The following FANCI variants were observed in gnomAD, a reference collection of about 807,000 sequenced individuals.
The protein encoded by FANCI is Fanconi anemia group I protein.
In FANCI, 156 loss-of-function variants were observed where a neutral mutation model predicts 176.1. The ratio of observed to expected loss-of-function variants is 0.89; its 90% CI spans 0.78 to 1.01. The LOEUF (loss-of-function observed/expected upper bound fraction) is 1.01. Ranked by LOEUF, FANCI falls within the 50% of genes least tolerant of loss-of-function variation. The probability of loss-of-function intolerance (pLI) is 0.00; values close to 1 mark genes in which losing one functional copy is unlikely to be tolerated. For synonymous variants in FANCI, 613 were observed against 541.7 expected (o/e 1.13, Z -1.83); for missense variants, 1,678 against 1,534.1 (o/e 1.09, Z -1.57).
Position 89,263,469 on chromosome 15 carries a change from C to A in FANCI, c.545+9C>A, listed in dbSNP as rs1179447255. 6.2e-7 allele frequency: 1 copy of A among 1,609,748 alleles called. No individual in the cohort carries two copies. The highest frequency in any genetic ancestry group is 1.7e-4 in the Middle Eastern group (1 of 6,054). ...CTCACCTCCATGTTCAAGTAAGCAT[C>A]ATCTTTTCCCTTTTCTTTGTGTATC... is the stretch of plus-strand genomic sequence containing the variant. On this transcript the variant is annotated intron_variant, in intron 7 of 37. Transcript: ENST00000310775.
chr15:89,312,920 TGAACTATACGGGAGA>T lies in FANCI; in HGVS notation c.3672_3686del (p.Asn1224_Glu1228del). ...TTTCTTTAGAATAAGAGTAAGAGCCTGAACTATACGGGAGAGAAAAAGGAGAAACCTGCTGCCGTT... is the reference window on the plus strand; with the variant it reads ...TTTCTTTAGAATAAGAGTAAGAGCCTGAAAAAGGAGAAACCTGCTGCCGTT... On this transcript the variant is annotated inframe_deletion, in exon 35 of 38. Coordinates refer to ENST00000310775, the MANE Select transcript of FANCI (RefSeq NM_001113378.2). 1 of 1,613,686 alleles carries T rather than the reference TGAACTATACGGGAGA, an allele frequency of 6.2e-7. No individual in the cohort carries two copies. Among genetic ancestry groups the T allele is most frequent in the Non-Finnish European group, 8.5e-7 (1 of 1,179,776 alleles).
chr15:89,296,970 G>GGCCGGGCGGGGGGCTA (rs1567168107), intron 24 of FANCI, among the ~76,000 whole-genome samples: 19 of 124,246 alleles, frequency 1.5e-4, no homozygotes, highest in African/African-American at 6.8e-4. Flanking sequence ...GCGGGGGGCT[G>GGCCGGGCGGGGGGCTA]ACCCCCCCCA....
chr15:89,244,200 T>G (rs2051838837), intron 1 of FANCI, 167 bp downstream of exon 1: 1 of 152,788 alleles, frequency 6.5e-6, no homozygotes, highest in Admixed American at 6.5e-5. Context: ...TCCCGCCGCC[T>G]GCCTCAGCTT....
intron 28 of FANCI, 67 bp from the exon 29 acceptor site, chr15:89,305,048 T>C: frequency 6.3e-7 from 1 of 1,594,764 alleles, no homozygotes. Flanking sequence ...AGTGCTGGGA[T>C]TACAGGCGTG....
In FANCI at chr15:89,247,679, A is replaced by G. The variant is rs1567134442; in HGVS notation, c.32A>G (p.Glu11Gly). ...CAGAAGATTTTATCTCTAGCAGCAG[A>G]AAAAACAGCAGACAAACTGCAAGAA... MDQKILSLAA[E>G]KTADKLQEFL... Residue 11 changes from glutamate (E) to glycine (G), a missense_variant, in exon 2 of 38, where the codon GAA becomes GGA. Around this residue, in one of 3 missense-constraint regions of FANCI, gnomAD observed 469 missense variants for 436.9 expected, o/e 1.07. Coordinates refer to ENST00000310775, the MANE Select transcript of FANCI (RefSeq NM_001113378.2). 3 of 1,614,070 alleles carry G rather than the reference A, an allele frequency of 1.9e-6. No individual in the cohort carries two copies. Among genetic ancestry groups the G allele is most frequent in the South Asian group, 1.1e-5 (1 of 91,086 alleles).
chr15:89,307,526 G>A lies in FANCI; in HGVS notation c.3588G>A (p.Lys1196=). 1 of 1,614,208 alleles carries A rather than the reference G, an allele frequency of 6.2e-7. No homozygotes were observed. Among genetic ancestry groups the A allele is most frequent in the Non-Finnish European group, 8.5e-7 (1 of 1,180,046 alleles). Residue 1196 remains lysine, a synonymous_variant, in exon 33 of 38, where the codon AAG becomes AAA. Coordinates refer to ENST00000310775, the MANE Select transcript of FANCI (RefSeq NM_001113378.2). ...GAGGAATTCCAAAAAATATGGAAAA[G>A]CTGGTGAGTTGAGAATGCCTTTCCT... ...SSGGIPKNME[K]LVKLSGSHLT... is the part of the protein sequence containing the mutation.
rs2054705233 is a variant in FANCI, at chr15:89,306,042, C to T, written c.3385C>T (p.Pro1129Ser). ...ASSQATLPNQ[P>S]VEKAIIMQLG... ...TTCTCAGGCAACCCTACCAAATCAG[C>T]CTGTTGAGAAAGCTATCATCATGCA... Residue 1129 changes from proline (P) to serine (S), a missense_variant, in exon 32 of 38, where the codon CCT (proline) becomes TCT (serine). Pro to Ser is a moderately conservative substitution (Grantham distance 74, BLOSUM62 -1). Transcript: ENST00000310775. 6.2e-7 allele frequency: 1 copy of T among 1,614,082 alleles called. No homozygotes were observed.
At chr15:89,261,061 T>G (rs1364900997) in intron 4 of FANCI, among the ~76,000 whole-genome samples, 1 of 151,966 alleles carries the variant, frequency 6.6e-6, no homozygotes, top group Non-Finnish European at 1.5e-5. Context: ...CTCAGGAGTT[T>G]GAGACCACCC....
At chr15:89,308,446 C>T (rs980643666) in intron 34 of FANCI, among the ~76,000 whole-genome samples, 1 of 152,216 alleles carries the variant, frequency 6.6e-6, no homozygotes, top group African/African-American at 2.4e-5. Flanking sequence ...TGTTACTGAT[C>T]TTTGAGGAAT....
intron 32 of FANCI, 82 bp downstream of exon 32, chr15:89,306,276 C>T: frequency 7.3e-7 from 1 of 1,366,942 alleles, no homozygotes. Context: ...CAGCCCACTG[C>T]TGCAGAATGC....
chr15:89,261,250 A>C (rs1167371943), intron 4 of FANCI, among the ~76,000 whole-genome samples: 1 of 152,188 alleles, frequency 6.6e-6, no homozygotes, highest in Non-Finnish European at 1.5e-5. Context: ...CAGCCTGGGC[A>C]GCAGAGTGAG....
chr15:89,251,493 A>G (rs1056906197), intron 2 of FANCI, among the ~76,000 whole-genome samples: 1 of 152,240 alleles, frequency 6.6e-6, no homozygotes, highest in Non-Finnish European at 1.5e-5. Flanking sequence ...TTAAACAAAT[A>G]TAACATTGAT....
rs2053432395 is a variant in FANCI at position 89,276,954 on chromosome 15, AT to A, written c.1293+66del. The A allele has an allele frequency of 1.0e-5, 16 of 1,560,230 alleles. 1 individual carries two copies. The South Asian group carries it at 1.6e-4, about 15-fold the overall frequency. On this transcript the variant is annotated intron_variant, in intron 13 of 37. Coordinates refer to ENST00000310775, the MANE Select transcript of FANCI (RefSeq NM_001113378.2). Reference sequence around the variant, plus strand: ...TTAAATAATCCAAGTAGGGCTTGGCATTTGCCTGGGAGTTTGGTGGACAAGG... The same window carrying A: ...TTAAATAATCCAAGTAGGGCTTGGCATTGCCTGGGAGTTTGGTGGACAAGG...
rs1332472030 is a variant in FANCI, at chr15:89,300,068, C to G, written c.2803+102C>G. ...CTACCAGAAGACACTTGAGAACAGTCCTAATGTTGCTAAGGAGTGACATCT... is the reference window on the plus strand; with the variant it reads ...CTACCAGAAGACACTTGAGAACAGTGCTAATGTTGCTAAGGAGTGACATCT... On this transcript the variant is annotated intron_variant, in intron 25 of 37. Coordinates refer to ENST00000310775, the MANE Select transcript of FANCI (RefSeq NM_001113378.2). 50 of 1,351,766 alleles carry G rather than the reference C, an allele frequency of 3.7e-5. No individual in the cohort carries two copies. The Admixed American group carries it at 3.7e-4, about 10-fold the overall frequency. The allele number at this position is 1,351,766 out of a possible 1,614,324, so 83.7% of individuals were successfully genotyped here.
chr15:89,285,714 C>T (rs542856925), intron 18 of FANCI, among the ~76,000 whole-genome samples: 1 of 147,528 alleles, frequency 6.8e-6, no homozygotes, highest in Admixed American at 6.9e-5. Flanking sequence ...ATAAATTTGC[C>T]AGTCTTAAGA....
In FANCI at chr15:89,307,501, G is replaced by A. The variant is rs1358510834; in HGVS notation, c.3563G>A (p.Gly1188Glu). 1.2e-6 allele frequency: 2 copies of A among 1,614,190 alleles called. No homozygotes were observed. Among genetic ancestry groups the A allele is most frequent in the Middle Eastern group, 1.6e-4 (1 of 6,062 alleles). The change falls in exon 33 of 38, where the codon GGA (glycine) becomes GAA (glutamate). Residue 1188 changes from glycine to glutamate, a missense_variant. Physicochemically the swap from Gly to Glu is moderately conservative, Grantham distance 98. This residue lies in a region of FANCI where 1,204 missense variants were observed against 1,077.4 expected (regional missense o/e 1.12). Transcript: ENST00000310775. The part of the protein sequence containing the change: ...RYYLQVCQSS[G>E]GIPKNMEKLV... ...TATCTCCAGGTGTGTCAGAGCTCCG[G>A]AGGAATTCCAAAAAATATGGAAAAG...
chr15:89,273,511 TAAAAAAA>T lies in FANCI; in HGVS notation c.975+60_975+66del, dbSNP rs34985075. Reference sequence around the variant, plus strand: ...CCATTTTGTTTCTTTCTGTAGTTGGTAAAAAAAAAAAAAAAAAAAAAAAATCACAGTA... The same window carrying T: ...CCATTTTGTTTCTTTCTGTAGTTGGTAAAAAAAAAAAAAAAAATCACAGTA... On this transcript the variant is annotated intron_variant, in intron 11 of 37. Coordinates refer to ENST00000310775, the MANE Select transcript of FANCI (RefSeq NM_001113378.2). The T allele has an allele frequency of 2.2e-3, 1,027 of 476,512 alleles. 9 individuals carry two copies. In the African/African-American group the frequency reaches 0.022, roughly 10 times the overall value. The allele number at this position is 476,512 out of a possible 1,614,324, so 29.5% of individuals were successfully genotyped here.
chr15:89,300,467 G>C (rs1294754639), intron 26 of FANCI, 82 bp downstream of exon 26: 14 of 1,243,752 alleles, frequency 1.1e-5, no homozygotes, highest in Admixed American at 1.8e-5. Flanking sequence ...GTAAGAATGG[G>C]CAGACAGTGA....
Position 89,268,545 on chromosome 15 carries a change from G to T in FANCI, c.882+20G>T. ...TTAAAGGTAGCATCAAACTTGTAAGGTGATCTGGGTCTCTTTTGAATGAAA... is the reference window on the plus strand; with the variant it reads ...TTAAAGGTAGCATCAAACTTGTAAGTTGATCTGGGTCTCTTTTGAATGAAA... On this transcript the variant is annotated intron_variant, in intron 10 of 37. Coordinates refer to ENST00000310775, the MANE Select transcript of FANCI (RefSeq NM_001113378.2). The T allele has an allele frequency of 6.2e-7, 1 of 1,613,844 alleles. No homozygotes were observed. Among genetic ancestry groups the T allele is most frequent in the African/African-American group, 1.3e-5 (1 of 74,916 alleles).
Sources: gnomAD v4.1 joint callset for allele counts (sites outside exome capture counted in the v4.1 genomes callset) on GRCh38, gnomAD v4.1.1 for gene constraint, gnomAD v4.1.1 regional missense constraint, MANE v1.5 for transcripts, NCBI Gene and HGNC (gene_info 2026-07-23, HGNC 2026-07-21) for gene names.